The following ADGRG6 variants were observed in gnomAD, a reference collection of about 807,000 sequenced individuals.
ADGRG6 encodes the protein G-protein coupled receptor 126.
A neutral mutation model predicts 142.4 loss-of-function variants in ADGRG6; 84 were observed. That is an observed-to-expected ratio of 0.59 (90% confidence interval 0.49 to 0.71). The LOEUF (loss-of-function observed/expected upper bound fraction) is 0.71. Among genes scored for constraint, ADGRG6 ranks in the 30% least tolerant of loss-of-function variants. ADGRG6 has a pLI of 0.00. For missense variants in ADGRG6, 1,367 were observed against 1,466.6 expected, an observed-to-expected ratio of 0.93 and a Z score of 1.11; for synonymous variants, 521 against 520.5, an observed-to-expected ratio of 1.00 and a Z score of -0.01.
At chr6:142,366,862 A>G (rs985157489) in intron 2 of ADGRG6, among the ~76,000 whole-genome samples, 1 of 152,198 alleles carries the variant, frequency 6.6e-6, no homozygotes, top group Non-Finnish European at 1.5e-5. Flanking sequence ...CTCACAATAA[A>G]TATTTACTAA....
chr6:142,359,055 A>T (rs896297847), intron 2 of ADGRG6, among the ~76,000 whole-genome samples: 33 of 151,560 alleles, frequency 2.2e-4, no homozygotes, highest in African/African-American at 7.5e-4. Flanking sequence ...AAAAAAAAAA[A>T]AAATATCTGG....
chr6:142,437,568 A>T, intron 23 of ADGRG6, 33 bp downstream of exon 23: 5 of 960,436 alleles, frequency 5.2e-6, no homozygotes, highest in Non-Finnish European at 8.6e-6. Context: ...TTACATCTAC[A>T]AGTAGATGGG....
chr6:142,332,117 A>C (rs1355727066), intron 2 of ADGRG6, among the ~76,000 whole-genome samples: 1 of 152,196 alleles, frequency 6.6e-6, no homozygotes, highest in Non-Finnish European at 1.5e-5. Flanking sequence ...ATTCTTCTTA[A>C]AGTAGATGGA....
chr6:142,331,439 C>G (rs1450405919), intron 2 of ADGRG6, among the ~76,000 whole-genome samples: 2 of 152,094 alleles, frequency 1.3e-5, no homozygotes, highest in Non-Finnish European at 2.9e-5. Flanking sequence ...AAAAGAGATT[C>G]TTCTGTTCTG....
chr6:142,370,848 A>C, intron 4 of ADGRG6, 55 bp downstream of exon 4: 2 of 1,538,208 alleles, frequency 1.3e-6, no homozygotes, highest in Non-Finnish European at 8.9e-7. Flanking sequence ...TTCTATGAAT[A>C]TGATTGTCAA....
chr6:142,306,014 G>T (rs9321863), intron 1 of ADGRG6, among the ~76,000 whole-genome samples: 14,819 of 152,134 alleles, frequency 0.097, 1,584 homozygotes, highest in East Asian at 0.62. Flanking sequence ...TTTCACTCTG[G>T]AAGAATTAAG....
At chr6:142,330,828 G>A (rs947960813) in intron 2 of ADGRG6, among the ~76,000 whole-genome samples, 17 of 151,890 alleles carry the variant, frequency 1.1e-4, no homozygotes, top group African/African-American at 3.4e-4. Context: ...ATGCTCTTTC[G>A]ACCTTGAAAA....
intron 2 of ADGRG6, among the ~76,000 whole-genome samples, chr6:142,348,765 T>G (rs531909926): frequency 2.6e-5 from 4 of 152,314 alleles, no homozygotes; most frequent in Non-Finnish European, 4.4e-5. Context: ...AATGAATTAA[T>G]GAATTTCTAT....
In ADGRG6 at chr6:142,415,899, A is replaced by G; in HGVS notation, c.2773A>G (p.Asn925Asp). ...CCTAGATGGCTGGATCACCTCCTTC[A>G]ATGTGGATGGACTTTGCATTGCTGT... ...FLLDGWITSF[N>D]VDGLCIAVAV... Residue 925 changes from asparagine (N) to aspartate (D), a missense_variant, in exon 20 of 25, where the codon AAT becomes GAT. Physicochemically the swap from Asn to Asp is conservative, Grantham distance 23. This residue lies in a region of ADGRG6 where 286 missense variants were observed against 371.4 expected (regional missense o/e 0.77). Transcript: ENST00000367609. The G allele has an allele frequency of 6.2e-7, 1 of 1,613,468 alleles. No individual in the cohort carries two copies. Among genetic ancestry groups the G allele is most frequent in the Non-Finnish European group, 8.5e-7 (1 of 1,179,582 alleles).
intron 16 of ADGRG6, 121 bp downstream of exon 16, chr6:142,408,390 T>C: frequency 4.8e-6 from 3 of 628,990 alleles, no homozygotes; most frequent in Non-Finnish European, 5.3e-6. Context: ...GGCCCAGTTT[T>C]CTATAAAGAG....
At position 142,403,804 on chromosome 6, in the gene ADGRG6, C is replaced by T; in HGVS notation, c.1958C>T (p.Ala653Val). 1 of 1,569,128 alleles carries T rather than the reference C, an allele frequency of 6.4e-7. No individual in the cohort carries two copies. The highest frequency in any genetic ancestry group is 2.3e-5 in the East Asian group (1 of 43,894). ...GGCATTTTTTGTCGTTACTTTAGAGCTTTAAAAACAATTGATGAATTGGCC... is the reference window on the plus strand; with the variant it reads ...GGCATTTTTTGTCGTTACTTTAGAGTTTTAAAAACAATTGATGAATTGGCC... The part of the protein sequence containing the change: ...DSDLLESSSE[A>V]LKTIDELAFK... The change falls in exon 14 of 25, where the codon GCT becomes GTT. Residue 653 changes from alanine to valine, a missense_variant and splice_region_variant. Around this residue, in one of 3 missense-constraint regions of ADGRG6, gnomAD observed 286 missense variants for 371.4 expected, o/e 0.77. Transcript: ENST00000367609.
intron 9 of ADGRG6, among the ~76,000 whole-genome samples, chr6:142,396,295 A>G (rs565172443): frequency 7.2e-5 from 11 of 152,310 alleles, no homozygotes; most frequent in African/African-American, 2.6e-4. Context: ...CTATGTTCAC[A>G]GCTATCATTA....
chr6:142,402,368 G>A (rs1234934470), intron 12 of ADGRG6, among the ~76,000 whole-genome samples: 1 of 152,046 alleles, frequency 6.6e-6, no homozygotes. Flanking sequence ...GGGATTCTGG[G>A]AATGTTTCTC....
chr6:142,360,990 C>T (rs1422240789), intron 2 of ADGRG6, among the ~76,000 whole-genome samples: 3 of 152,198 alleles, frequency 2.0e-5, no homozygotes, highest in Non-Finnish European at 4.4e-5. Context: ...TCCTGTATTT[C>T]CAAGTGGCCA....
intron 24 of ADGRG6, among the ~76,000 whole-genome samples, chr6:142,440,424 G>A (rs1777699671): frequency 6.6e-6 from 1 of 151,946 alleles, no homozygotes; most frequent in East Asian, 1.9e-4. Context: ...AGCCTCCCGA[G>A]TAGCTGGGAC....
At chr6:142,393,497 G>T (rs1434778455) in intron 8 of ADGRG6, among the ~76,000 whole-genome samples, 4 of 152,000 alleles carry the variant, frequency 2.6e-5, no homozygotes, top group Non-Finnish European at 5.9e-5. Flanking sequence ...ATCCTCCTGT[G>T]TACCTTGTTT....
chr6:142,398,573 T>C (rs964252801), intron 10 of ADGRG6, among the ~76,000 whole-genome samples: 3 of 152,214 alleles, frequency 2.0e-5, no homozygotes, highest in Admixed American at 6.5e-5. Context: ...TCCTAAGCTC[T>C]AGCCACACAT....
chr6:142,310,220 G>A (rs1263861269), intron 2 of ADGRG6, among the ~76,000 whole-genome samples: 1 of 151,588 alleles, frequency 6.6e-6, no homozygotes, highest in Non-Finnish European at 1.5e-5. Context: ...ATAAGATCTT[G>A]GTGGCTGTTG....
chr6:142,351,714 A>G (rs140746093), intron 2 of ADGRG6, among the ~76,000 whole-genome samples: 1,675 of 152,336 alleles, frequency 0.011, 14 homozygotes, highest in Non-Finnish European at 0.018. Context: ...GACCTGATTA[A>G]TAAGCTTCTG....
Sources: gnomAD v4.1 joint callset for allele counts (sites outside exome capture counted in the v4.1 genomes callset) on GRCh38, gnomAD v4.1.1 for gene constraint, gnomAD v4.1.1 regional missense constraint, MANE v1.5 for transcripts, NCBI Gene and HGNC (gene_info 2026-07-23, HGNC 2026-07-21) for gene names.